ARHGEF17: variants seen among roughly 807,000 people sequenced by gnomAD.
The protein encoded by ARHGEF17 is 164 kDa Rho-specific guanine-nucleotide exchange factor.
ARHGEF17 carries 80 observed loss-of-function variants against 174.0 expected under a neutral mutation model. That is an observed-to-expected ratio of 0.46 (90% CI 0.38 to 0.55). The LOEUF (loss-of-function observed/expected upper bound fraction) is 0.55, where lower values mean the gene tolerates loss of function less well. Among genes scored for constraint, ARHGEF17 ranks in the 20% least tolerant of loss-of-function variants. ARHGEF17 has a pLI of 0.00. For missense variants in ARHGEF17, 2,886 were observed against 2,839.7 expected (o/e 1.02, Z -0.37); for synonymous variants, 1,311 against 1,189.1 (o/e 1.10, Z -2.11).
At position 73,309,797 on chromosome 11, in the gene ARHGEF17, T is replaced by A. The variant is rs1375159340; in HGVS notation, c.1159T>A (p.Ser387Thr). The A allele has an allele frequency of 1.2e-6, 2 of 1,612,978 alleles. No individual in the cohort carries two copies. The highest frequency in any genetic ancestry group is 8.5e-7 in the Non-Finnish European group (1 of 1,180,000). The change falls in exon 1 of 21, where the codon TCC becomes ACC. Residue 387 changes from serine (S) to threonine (T), a missense_variant. Ser to Thr is a moderately conservative substitution (Grantham distance 58). Around this residue, in one of 4 missense-constraint regions of ARHGEF17, gnomAD observed 1,728 missense variants for 1,461.2 expected, o/e 1.18. Transcript: ENST00000263674. ...FPSYLASPAG[S>T]RGSSRYSSTE... Reference sequence around the variant, plus strand: ...CTCGTACCTGGCCAGCCCCGCAGGCTCCCGCGGTAGCAGCCGTTATTCCAG... The same window carrying A: ...CTCGTACCTGGCCAGCCCCGCAGGCACCCGCGGTAGCAGCCGTTATTCCAG...
At chr11:73,357,448 T>G in intron 9 of ARHGEF17, 121 bp downstream of exon 9, 1 of 900,356 alleles carries the variant, frequency 1.1e-6, no homozygotes, top group South Asian at 1.7e-5. Flanking sequence ...TGGGCCTCGC[T>G]CTCTCATCCA....
intron 1 of ARHGEF17, among the ~76,000 whole-genome samples, chr11:73,342,531 G>A (rs1457151135): frequency 2.6e-5 from 4 of 152,162 alleles, no homozygotes; most frequent in Non-Finnish European, 5.9e-5. Context: ...GTAAGGGACT[G>A]TGTTGATGTG....
chr11:73,360,668 G>C, intron 11 of ARHGEF17, 135 bp downstream of exon 11: 1 of 910,058 alleles, frequency 1.1e-6, no homozygotes, highest in Middle Eastern at 2.3e-4. Flanking sequence ...GTGGGGAGGG[G>C]GGCTTCTGCA....
chr11:73,343,296 G>A (rs764221129), intron 1 of ARHGEF17: 1 of 397,838 alleles, frequency 2.5e-6, no homozygotes, highest in African/African-American at 2.1e-5. Flanking sequence ...AGGGGGAGGG[G>A]CAGCCAGGGA....
chr11:73,356,069 G>C, intron 5 of ARHGEF17, 106 bp from the exon 6 acceptor site: 1 of 1,573,554 alleles, frequency 6.4e-7, no homozygotes, highest in Non-Finnish European at 8.7e-7. Flanking sequence ...GGGACAGGTA[G>C]GAAAGATAGT....
In ARHGEF17 at chr11:73,368,295, C is replaced by G. The variant is rs1476136744; in HGVS notation, c.*515C>G. 6.5e-6 allele frequency: 1 copy of G among 153,412 alleles called. No homozygotes were observed. Among genetic ancestry groups the G allele is most frequent in the African/African-American group, 2.4e-5 (1 of 41,438 alleles). 9.5% of individuals were successfully genotyped at this position (153,412 alleles called of 1,614,324 possible). On this transcript the variant is annotated 3_prime_UTR_variant, in exon 21 of 21. Coordinates refer to ENST00000263674, the MANE Select transcript of ARHGEF17 (RefSeq NM_014786.4). Reference sequence around the variant, plus strand: ...AAACCTATTCCTGCCCTGGGGACCACCCTGGGACTCTAACCAAGCCTTCCT... The same window carrying G: ...AAACCTATTCCTGCCCTGGGGACCAGCCTGGGACTCTAACCAAGCCTTCCT...
chr11:73,325,553 C>G (rs1167935646), intron 1 of ARHGEF17, among the ~76,000 whole-genome samples: 1 of 151,234 alleles, frequency 6.6e-6, no homozygotes, highest in Non-Finnish European at 1.5e-5. Context: ...CACACACACT[C>G]TCTCTCTCTC....
chr11:73,362,228 T>A lies in ARHGEF17; in HGVS notation c.4683T>A (p.Pro1561=). 1 of 1,539,438 alleles carries A rather than the reference T, an allele frequency of 6.5e-7. No homozygotes were observed. The highest frequency in any genetic ancestry group is 8.7e-7 in the Non-Finnish European group (1 of 1,147,434). Residue 1561 remains proline (P), a synonymous_variant, in exon 13 of 21, where the codon CCT becomes CCA. Coordinates refer to ENST00000263674, the MANE Select transcript of ARHGEF17 (RefSeq NM_014786.4). Reference sequence around the variant, plus strand: ...TCGGGGCGGTGCCCGGGCTGCAGCCTCGCTGCCACCGGTGAGGCCTGGGCG... The same window carrying A: ...TCGGGGCGGTGCCCGGGCTGCAGCCACGCTGCCACCGGTGAGGCCTGGGCG... ...LCIGAVPGLQ[P]RCHREPPPSL...
chr11:73,309,775 G>T lies in ARHGEF17; in HGVS notation c.1137G>T (p.Ser379=). Residue 379 remains serine (S), a synonymous_variant, in exon 1 of 21, where the codon TCG becomes TCT. Transcript: ENST00000263674. Reference sequence around the variant, plus strand: ...GTGTGGCCAAGGTGAGCTTTCCCTCGTACCTGGCCAGCCCCGCAGGCTCCC... The same window carrying T: ...GTGTGGCCAAGGTGAGCTTTCCCTCTTACCTGGCCAGCCCCGCAGGCTCCC... ...AFRVAKVSFP[S]YLASPAGSRG... 2 of 1,612,974 alleles carry T rather than the reference G, an allele frequency of 1.2e-6. No individual in the cohort carries two copies. Among genetic ancestry groups the T allele is most frequent in the Non-Finnish European group, 1.7e-6 (2 of 1,179,968 alleles).
Position 73,308,707 on chromosome 11 carries a change from C to T in ARHGEF17, c.69C>T (p.Ser23=), listed in dbSNP as rs769313668. 1.2e-5 allele frequency: 18 copies of T among 1,514,672 alleles called. No individual in the cohort carries two copies. Among genetic ancestry groups the T allele is most frequent in the Non-Finnish European group, 1.4e-5 (16 of 1,135,504 alleles). 93.8% of individuals were successfully genotyped at this position (1,514,672 alleles called of 1,614,324 possible). A position where few individuals can be genotyped will look rare whatever the true frequency, so the allele number is the denominator to read the frequency against. The change falls in exon 1 of 21, where the codon AGC becomes AGT. Residue 23 remains serine (S), a synonymous_variant. Coordinates refer to ENST00000263674, the MANE Select transcript of ARHGEF17 (RefSeq NM_014786.4). ...CGTTCAAGCTGCTGGAGCGCTGGAGCGGCGGCCCCGGGCTGAGGGAGGAGG... is the reference window on the plus strand; with the variant it reads ...CGTTCAAGCTGCTGGAGCGCTGGAGTGGCGGCCCCGGGCTGAGGGAGGAGG... ...SVSFKLLERW[S]GGPGLREEDT... is the part of the protein sequence containing the mutation.
At chr11:73,343,083 ACCCCCGC>A (rs1252718418) in intron 1 of ARHGEF17, 3 of 316,686 alleles carry the variant, frequency 9.5e-6, no homozygotes, top group Non-Finnish European at 1.1e-5. Context: ...CTCCGCGCTG[ACCCCCGC>A]CCCCCGCCCC....
In ARHGEF17 at chr11:73,368,073, G is replaced by A. The variant is rs922034132; in HGVS notation, c.*293G>A. On this transcript the variant is annotated 3_prime_UTR_variant, in exon 21 of 21. Transcript: ENST00000263674. ...GGAGCTTCTACCAAAGACACAGCTG[G>A]GTCTGGACCCCACGGGGCTGGGGAG... 1.4e-5 allele frequency: 5 copies of A among 363,490 alleles called. No homozygotes were observed. Among genetic ancestry groups the A allele is most frequent in the African/African-American group, 1.0e-4 (5 of 49,422 alleles). The allele number at this position is 363,490 out of a possible 1,614,324, so 22.5% of individuals were successfully genotyped here.
intron 7 of ARHGEF17, 39 bp from the exon 8 acceptor site, chr11:73,356,985 CT>C: frequency 6.2e-7 from 1 of 1,603,800 alleles, no homozygotes; most frequent in Non-Finnish European, 8.5e-7. Context: ...GGCTTCTGGA[CT>C]GTGTCCACCC....
intron 1 of ARHGEF17, among the ~76,000 whole-genome samples, chr11:73,317,266 A>G (rs1451476672): frequency 6.6e-6 from 1 of 152,128 alleles, no homozygotes; most frequent in African/African-American, 2.4e-5. Flanking sequence ...TCCAGCGTGC[A>G]TGTCTCCTGG....
rs193053942 is a variant in ARHGEF17 at position 73,358,864 on chromosome 11, G to A, written c.4088-970G>A. On this transcript the variant is annotated intron_variant, in intron 9 of 20. Coordinates refer to ENST00000263674, the MANE Select transcript of ARHGEF17 (RefSeq NM_014786.4). ...CAACAGCAGAGCTGTTCCCAGCCTC[G>A]GCCTGGCAGGAAACTCCACTGCCAT... is the stretch of plus-strand genomic sequence containing the variant. Among the ~76,000 whole-genome samples, 10 of 152,192 alleles carry A rather than the reference G, an allele frequency of 6.6e-5. No individual in the cohort carries two copies. In the East Asian group the frequency reaches 1.7e-3, roughly 26 times the overall value.
chr11:73,366,940 T>C (rs1276456079), intron 20 of ARHGEF17, among the ~76,000 whole-genome samples: 1 of 151,984 alleles, frequency 6.6e-6, no homozygotes, highest in Non-Finnish European at 1.5e-5. Context: ...CTCGGGAGGC[T>C]GAAGCAGGAG....
At chr11:73,324,853 A>T (rs939971569) in intron 1 of ARHGEF17, among the ~76,000 whole-genome samples, 1 of 152,200 alleles carries the variant, frequency 6.6e-6, no homozygotes, top group Non-Finnish European at 1.5e-5. Flanking sequence ...TATTAGTTGA[A>T]TGGCTCAGTT....
At chr11:73,338,745 C>T (rs746738971) in intron 1 of ARHGEF17, among the ~76,000 whole-genome samples, 15 of 151,680 alleles carry the variant, frequency 9.9e-5, no homozygotes, top group Non-Finnish European at 1.8e-4. Flanking sequence ...TGGGGCTCTC[C>T]CCACTGGGGA....
At chr11:73,359,030 G>C (rs1162981924) in intron 9 of ARHGEF17, among the ~76,000 whole-genome samples, 1 of 152,184 alleles carries the variant, frequency 6.6e-6, no homozygotes, top group East Asian at 1.9e-4. Context: ...TGGTCACAGG[G>C]CCACTTCAGA....
Sources: gnomAD v4.1 joint callset for allele counts (sites outside exome capture counted in the v4.1 genomes callset) on GRCh38, gnomAD v4.1.1 for gene constraint, gnomAD v4.1.1 regional missense constraint, MANE v1.5 for transcripts, NCBI Gene and HGNC (gene_info 2026-07-23, HGNC 2026-07-21) for gene names.